The following AKAP7 variants were observed in gnomAD, a reference collection of about 807,000 sequenced individuals.
AKAP7 encodes A-kinase anchoring protein 7.
In AKAP7, 39 loss-of-function variants were observed where a neutral mutation model predicts 39.5. The observed-to-expected ratio is 0.99, with a 90% CI of 0.76 to 1.29. The LOEUF is 1.29. Among genes scored for constraint, AKAP7 ranks in the 50% most tolerant of loss-of-function variants. The probability of loss-of-function intolerance (pLI) is 0.00; values close to 1 mark genes in which losing one functional copy is unlikely to be tolerated. For synonymous variants in AKAP7, 140 were observed against 139.1 expected, an observed-to-expected ratio of 1.01 and a Z score of -0.05; for missense variants, 414 against 407.7, an observed-to-expected ratio of 1.02 and a Z score of -0.13.
intron 5 of AKAP7, among the ~76,000 whole-genome samples, chr6:131,186,445 G>A (rs945520246): frequency 1.3e-5 from 2 of 151,886 alleles, no homozygotes; most frequent in East Asian, 3.9e-4. Flanking sequence ...TTTTTAAATA[G>A]CAATGCAGAA....
chr6:131,127,042 T>C, the AKAP7 span, among the ~76,000 whole-genome samples: 1 of 109,058 alleles, frequency 9.2e-6, no homozygotes, highest in East Asian at 2.0e-4. Context: ...TTCATTTTGC[T>C]TTGTTTTTTT....
intron 5 of AKAP7, 97 bp downstream of exon 5, chr6:131,169,370 A>G (rs1220216535): frequency 3.7e-6 from 5 of 1,335,072 alleles, no homozygotes; most frequent in East Asian, 2.3e-5. Flanking sequence ...ATTTTAAAAG[A>G]TGATGGACTA....
At chr6:131,192,671 G>T (rs1336074873) in intron 5 of AKAP7, among the ~76,000 whole-genome samples, 1 of 152,096 alleles carries the variant, frequency 6.6e-6, no homozygotes, top group South Asian at 2.1e-4. Context: ...GATTGCTTTG[G>T]GTAGTTTGGA....
At chr6:131,172,712 A>T (rs1011984926) in intron 5 of AKAP7, among the ~76,000 whole-genome samples, 1 of 152,202 alleles carries the variant, frequency 6.6e-6, no homozygotes, top group Non-Finnish European at 1.5e-5. Context: ...ACCATCAAAA[A>T]AATTGTATAG....
chr6:131,141,784 T>G (rs1421480766), intron 1 of AKAP7, among the ~76,000 whole-genome samples: 3 of 152,200 alleles, frequency 2.0e-5, no homozygotes, highest in Non-Finnish European at 4.4e-5. Context: ...GTCTCTATGT[T>G]ATGCCCTAGC....
chr6:131,185,419 C>T, intron 5 of AKAP7: 1 of 494,462 alleles, frequency 2.0e-6, no homozygotes, highest in South Asian at 1.9e-5. Flanking sequence ...AATTGTGGCC[C>T]TGCTCCATGG....
At chr6:131,168,838 G>A (rs1015297004) in intron 4 of AKAP7, among the ~76,000 whole-genome samples, 1 of 151,972 alleles carries the variant, frequency 6.6e-6, no homozygotes, top group African/African-American at 2.4e-5. Flanking sequence ...ATTTCACTTG[G>A]TTAAAAATCT....
chr6:131,150,019 A>G (rs1162491503), intron 2 of AKAP7, among the ~76,000 whole-genome samples: 3 of 152,148 alleles, frequency 2.0e-5, no homozygotes, highest in Non-Finnish European at 4.4e-5. Flanking sequence ...GGATCTCACT[A>G]TGTTGCCTAG....
chr6:131,263,435 A>C (rs1385457837), intron 7 of AKAP7, among the ~76,000 whole-genome samples: 3 of 152,190 alleles, frequency 2.0e-5, no homozygotes, highest in African/African-American at 7.2e-5. Context: ...CCTCATTCCC[A>C]TATATGAAAT....
At chr6:131,249,035 T>G (rs1812242748) in intron 7 of AKAP7, among the ~76,000 whole-genome samples, 1 of 152,212 alleles carries the variant, frequency 6.6e-6, no homozygotes, top group Non-Finnish European at 1.5e-5. Flanking sequence ...ATAAGCATCT[T>G]TACATTTTAA....
Position 131,135,731 on chromosome 6 carries a change from A to G in AKAP7, c.-33A>G. ...GCGGCCCGCCACCGCCGCTGCCGCC[A>G]GCCCAGACGCGCCGCCCGCATGCGC... On this transcript the variant is annotated 5_prime_UTR_variant, in exon 1 of 8. Transcript: ENST00000431975. 8.2e-7 allele frequency: 1 copy of G among 1,213,102 alleles called. No homozygotes were observed. Among genetic ancestry groups the G allele is most frequent in the Admixed American group, 4.4e-5 (1 of 22,744 alleles). The allele number at this position is 1,213,102 out of a possible 1,614,324, so 75.1% of individuals were successfully genotyped here.
chr6:131,147,636 T>C (rs1447730669), intron 2 of AKAP7, among the ~76,000 whole-genome samples: 1 of 152,240 alleles, frequency 6.6e-6, no homozygotes, highest in Non-Finnish European at 1.5e-5. Context: ...TTTAAAAAAT[T>C]CAATCACTTC....
intron 5 of AKAP7, among the ~76,000 whole-genome samples, chr6:131,172,593 G>A (rs191486409): frequency 2.0e-5 from 3 of 152,170 alleles, no homozygotes; most frequent in Admixed American, 6.5e-5. Context: ...CTCATAAAGT[G>A]TTGGGATTAC....
At chr6:131,148,641 A>G (rs1427902695) in intron 2 of AKAP7, among the ~76,000 whole-genome samples, 2 of 152,228 alleles carry the variant, frequency 1.3e-5, no homozygotes, top group African/African-American at 4.8e-5. Context: ...AATAGCATTT[A>G]CTAAAACACT....
At chr6:131,216,810 T>C (rs1317853544) in intron 6 of AKAP7, among the ~76,000 whole-genome samples, 7 of 152,200 alleles carry the variant, frequency 4.6e-5, no homozygotes, top group Admixed American at 4.6e-4. Flanking sequence ...CTTAAAAATA[T>C]GCCTCCTCCT....
chr6:131,172,329 G>A (rs761632440), intron 5 of AKAP7, among the ~76,000 whole-genome samples: 1 of 152,046 alleles, frequency 6.6e-6, no homozygotes, highest in Non-Finnish European at 1.5e-5. Flanking sequence ...ATCTTTACTA[G>A]GTATGTTTAT....
At chr6:131,159,677 G>A (rs1046265680) in intron 2 of AKAP7, among the ~76,000 whole-genome samples, 1 of 152,226 alleles carries the variant, frequency 6.6e-6, no homozygotes, top group Non-Finnish European at 1.5e-5. Flanking sequence ...TATACAGGAT[G>A]GTTGAAGAAA....
intron 1 of AKAP7, among the ~76,000 whole-genome samples, chr6:131,137,904 A>G (rs1800704527): frequency 6.6e-6 from 1 of 152,254 alleles, no homozygotes; most frequent in African/African-American, 2.4e-5. Context: ...GCCTTTGGCC[A>G]CATAATTGTA....
At chr6:131,213,176 T>TA (rs1268826955) in intron 6 of AKAP7, among the ~76,000 whole-genome samples, 4 of 152,194 alleles carry the variant, frequency 2.6e-5, no homozygotes, top group African/African-American at 4.8e-5. Context: ...TGTGGCAAGT[T>TA]AAAGTTAGGA....
Sources: allele counts gnomAD v4.1 joint callset (sites outside exome capture counted in the v4.1 genomes callset), GRCh38; gene constraint gnomAD v4.1.1; transcripts MANE v1.5; gene names NCBI Gene and HGNC (gene_info 2026-07-23, HGNC 2026-07-21).